Variants in LSAMP observed in about 807,000 individuals in gnomAD.
LSAMP encodes limbic system-associated membrane protein.
In LSAMP, 7 loss-of-function variants were observed where a neutral mutation model predicts 38.6. That is an observed-to-expected ratio of 0.18 (90% CI 0.10 to 0.34). LSAMP has a LOEUF of 0.34. LSAMP is among the 10% of genes least tolerant of loss of function. The probability of loss-of-function intolerance (pLI) is 1.00; values close to 1 mark genes in which losing one functional copy is unlikely to be tolerated. For missense variants in LSAMP, 313 were observed against 420.0 expected, an observed-to-expected ratio of 0.75 and a Z score of 2.23; for synonymous variants, 154 against 166.8, an observed-to-expected ratio of 0.92 and a Z score of 0.59.
intron 1 of LSAMP, among the ~76,000 whole-genome samples, chr3:116,226,053 C>T (rs1052574989): frequency 1.3e-5 from 2 of 152,140 alleles, no homozygotes; most frequent in Non-Finnish European, 2.9e-5. Flanking sequence ...TCCTTTTCCT[C>T]AGGTTAAAAT....
At chr3:116,176,124 G>T (rs1437591732) in intron 1 of LSAMP, among the ~76,000 whole-genome samples, 1 of 152,006 alleles carries the variant, frequency 6.6e-6, no homozygotes, top group African/African-American at 2.4e-5. Flanking sequence ...CAATAGTTCA[G>T]TCATTATCCT....
At chr3:116,313,594 G>T (rs9809878) in intron 1 of LSAMP, among the ~76,000 whole-genome samples, 5 of 152,096 alleles carry the variant, frequency 3.3e-5, no homozygotes, top group South Asian at 4.1e-4. Context: ...GAAAGGTCAA[G>T]GTTGGTTCAT....
At chr3:116,180,122 G>A (rs376114564) in intron 1 of LSAMP, among the ~76,000 whole-genome samples, 2 of 152,082 alleles carry the variant, frequency 1.3e-5, no homozygotes, top group African/African-American at 4.8e-5. Context: ...CTCCAGAATG[G>A]CAGAGGTAAT....
chr3:116,177,373 G>A (rs917323840), intron 1 of LSAMP, among the ~76,000 whole-genome samples: 14 of 152,046 alleles, frequency 9.2e-5, no homozygotes, highest in African/African-American at 1.7e-4. Flanking sequence ...TGTGGTGGAA[G>A]TTAATAGGAA....
intron 1 of LSAMP, among the ~76,000 whole-genome samples, chr3:116,182,692 T>C (rs1402459845): frequency 6.6e-6 from 1 of 151,834 alleles, no homozygotes; most frequent in Non-Finnish European, 1.5e-5. Flanking sequence ...TTTTTGATAT[T>C]GTTGTTGCTT....
intron 1 of LSAMP, among the ~76,000 whole-genome samples, chr3:116,266,422 A>G (rs1043340147): frequency 2.0e-5 from 3 of 152,238 alleles, no homozygotes; most frequent in Admixed American, 1.3e-4. Context: ...GTCAAGTAAC[A>G]GAATCACTCA....
At chr3:116,333,225 C>T (rs777090938) in intron 1 of LSAMP, among the ~76,000 whole-genome samples, 2 of 151,946 alleles carry the variant, frequency 1.3e-5, no homozygotes, top group Non-Finnish European at 2.9e-5. Context: ...CTACATTAGG[C>T]CACAAAGGAA....
At chr3:116,045,192 A>C (rs1941264020) in intron 2 of LSAMP, among the ~76,000 whole-genome samples, 1 of 152,242 alleles carries the variant, frequency 6.6e-6, no homozygotes, top group Admixed American at 6.5e-5. Flanking sequence ...TGAAACTCCA[A>C]ATATAGGCAT....
intron 2 of LSAMP, among the ~76,000 whole-genome samples, chr3:116,081,243 C>T (rs1253085091): frequency 6.6e-6 from 1 of 151,940 alleles, no homozygotes; most frequent in Non-Finnish European, 1.5e-5. Flanking sequence ...GCGGGTGGAT[C>T]ACAAGGTCAA....
intron 1 of LSAMP, among the ~76,000 whole-genome samples, chr3:116,395,155 T>C (rs1400428630): frequency 6.6e-6 from 1 of 152,178 alleles, no homozygotes; most frequent in Non-Finnish European, 1.5e-5. Context: ...ATTCATTTCT[T>C]TTACTGGAAA....
chr3:116,096,631 T>C (rs1245569561), intron 1 of LSAMP, among the ~76,000 whole-genome samples: 1 of 152,206 alleles, frequency 6.6e-6, no homozygotes. Flanking sequence ...CTTAATTGTC[T>C]CACCACTTTC....
chr3:116,283,878 C>A (rs1156604389), intron 1 of LSAMP, among the ~76,000 whole-genome samples: 1 of 152,050 alleles, frequency 6.6e-6, no homozygotes, highest in Non-Finnish European at 1.5e-5. Context: ...TGGTGACATA[C>A]ACCTGTAATC....
intron 3 of LSAMP, among the ~76,000 whole-genome samples, chr3:115,888,713 G>C (rs1314851692): frequency 6.6e-6 from 1 of 151,866 alleles, no homozygotes; most frequent in Non-Finnish European, 1.5e-5. Flanking sequence ...CTCCCAGGGA[G>C]TGCCTATATT....
intron 1 of LSAMP, among the ~76,000 whole-genome samples, chr3:116,099,348 A>G (rs933852325): frequency 6.6e-6 from 1 of 152,230 alleles, no homozygotes; most frequent in Non-Finnish European, 1.5e-5. Flanking sequence ...ATGACTATTA[A>G]GTGAAAGAAC....
intron 3 of LSAMP, among the ~76,000 whole-genome samples, chr3:115,901,464 A>G (rs1364212209): frequency 6.6e-6 from 1 of 152,098 alleles, no homozygotes; most frequent in Non-Finnish European, 1.5e-5. Flanking sequence ...TCCTACACAT[A>G]TTAACCTGGA....
intron 1 of LSAMP, among the ~76,000 whole-genome samples, chr3:116,162,004 C>A (rs150615878): frequency 4.0e-5 from 6 of 151,692 alleles, no homozygotes; most frequent in South Asian, 2.1e-4. Context: ...AAATAACTCA[C>A]CCCCAAGCAG....
intron 4 of LSAMP, among the ~76,000 whole-genome samples, chr3:115,847,380 T>C (rs1436292309): frequency 1.3e-5 from 2 of 152,218 alleles, no homozygotes; most frequent in Non-Finnish European, 2.9e-5. Flanking sequence ...TGCTTTTTTG[T>C]AAGTTACCAT....
At chr3:116,020,743 A>G (rs141705474) in intron 2 of LSAMP, among the ~76,000 whole-genome samples, 11 of 152,350 alleles carry the variant, frequency 7.2e-5, no homozygotes, top group African/African-American at 2.6e-4. Flanking sequence ...CACAGAGGTT[A>G]TGCACTGATT....
intron 1 of LSAMP, among the ~76,000 whole-genome samples, chr3:116,180,211 C>G (rs1710451729): frequency 6.6e-6 from 1 of 152,064 alleles, no homozygotes; most frequent in Admixed American, 6.6e-5. Context: ...AGTCTCTGCT[C>G]TCATGGAACT....
Sources: gnomAD v4.1 joint callset for allele counts (sites outside exome capture counted in the v4.1 genomes callset) on GRCh38, gnomAD v4.1.1 for gene constraint, MANE v1.5 for transcripts, NCBI Gene and HGNC (gene_info 2026-07-23, HGNC 2026-07-21) for gene names.